MIPOL1: variants seen among roughly 807,000 people sequenced by gnomAD.
MIPOL1 encodes the protein mirror-image polydactyly 1, also known as mirror-image polydactyly gene 1 protein.
Under a neutral mutation model 60.9 loss-of-function variants are expected in MIPOL1, and 57 were observed. The ratio of observed to expected loss-of-function variants is 0.94; its 90% CI spans 0.76 to 1.17. MIPOL1 has a LOEUF of 1.17. Ranked by LOEUF, MIPOL1 falls within the 50% of genes most tolerant of loss-of-function variation. The pLI, the probability that MIPOL1 is intolerant of heterozygous loss-of-function variation, is 0.00. For missense variants in MIPOL1, 551 were observed against 511.6 expected (o/e 1.08, Z -0.74); for synonymous variants, 179 against 168.8 (o/e 1.06, Z -0.47).
At chr14:37,523,640 T>C (rs891287797) in intron 12 of MIPOL1, 2 of 363,600 alleles carry the variant, frequency 5.5e-6, no homozygotes. Flanking sequence ...CATGTCCTAA[T>C]TCAACAGATT....
intron 11 of MIPOL1, among the ~76,000 whole-genome samples, chr14:37,491,955 C>T (rs997775769): frequency 1.3e-5 from 2 of 152,136 alleles, no homozygotes; most frequent in Admixed American, 1.3e-4. Context: ...GCCTATTATA[C>T]TGGAGCATAT....
At chr14:37,304,022 T>C (rs1436722511) in intron 7 of MIPOL1, among the ~76,000 whole-genome samples, 1 of 151,834 alleles carries the variant, frequency 6.6e-6, no homozygotes, top group East Asian at 1.9e-4. Flanking sequence ...CTGCTGAATC[T>C]ATAGGTTCTG....
rs398024815 is a variant in MIPOL1, at chr14:37,521,920, T to TTTTC, written c.1262+21782_1262+21783insTTTC. Among the ~76,000 whole-genome samples, 431 of 142,514 alleles carry TTTTC rather than the reference T, an allele frequency of 3.0e-3. 4 individuals are homozygous for TTTTC. Among genetic ancestry groups the TTTTC allele is most frequent in the African/African-American group, 0.011 (418 of 39,434 alleles). 93.5% of individuals were successfully genotyped at this position (142,514 alleles called of 152,430 possible). A position where few individuals can be genotyped will look rare whatever the true frequency, so the allele number is the denominator to read the frequency against. On this transcript the variant is annotated intron_variant, in intron 12 of 12. Transcript: ENST00000684589. The stretch of plus-strand genomic sequence containing the variant: ...TATATATATATATATATTTTTTTTT[T>TTTTC]CTTTGGCTTCAAAAATAAAACAGAG...
intron 10 of MIPOL1, among the ~76,000 whole-genome samples, chr14:37,394,991 A>G (rs910606620): frequency 1.3e-5 from 2 of 152,184 alleles, no homozygotes; most frequent in Non-Finnish European, 2.9e-5. Flanking sequence ...GTGCCTAGCC[A>G]ATTATCCCAG....
At chr14:37,294,153 A>G (rs922040232) in intron 7 of MIPOL1, among the ~76,000 whole-genome samples, 9 of 152,276 alleles carry the variant, frequency 5.9e-5, no homozygotes, top group African/African-American at 1.9e-4. Context: ...CGGTTCACCA[A>G]TATCTGCTGT....
chr14:37,293,339 G>C (rs1220502146), intron 7 of MIPOL1, among the ~76,000 whole-genome samples: 1 of 152,058 alleles, frequency 6.6e-6, no homozygotes, highest in Non-Finnish European at 1.5e-5. Flanking sequence ...GGAGCCAAGA[G>C]GGCTGAATAG....
intron 11 of MIPOL1, among the ~76,000 whole-genome samples, chr14:37,492,683 G>C (rs2095062272): frequency 6.6e-6 from 1 of 152,032 alleles, no homozygotes; most frequent in Non-Finnish European, 1.5e-5. Context: ...GTCACTCAGA[G>C]TGAATGACAA....
chr14:37,531,367 TTC>T (rs1162523026), intron 12 of MIPOL1, among the ~76,000 whole-genome samples: 1 of 152,070 alleles, frequency 6.6e-6, no homozygotes, highest in Non-Finnish European at 1.5e-5. Context: ...CAAGTTCAAT[TTC>T]CTTGAAGCCT....
At chr14:37,469,056 A>G (rs528709854) in intron 11 of MIPOL1, among the ~76,000 whole-genome samples, 2 of 152,368 alleles carry the variant, frequency 1.3e-5, no homozygotes, top group South Asian at 2.1e-4. Flanking sequence ...TGATATATTC[A>G]TATTTGTGCT....
chr14:37,272,909 A>T (rs1054765076), intron 6 of MIPOL1, among the ~76,000 whole-genome samples: 14 of 151,514 alleles, frequency 9.2e-5, no homozygotes, highest in Non-Finnish European at 1.9e-4. Context: ...CAAATAGGAG[A>T]CAATCTGTCT....
intron 11 of MIPOL1, among the ~76,000 whole-genome samples, chr14:37,458,540 A>C (rs2094502467): frequency 6.6e-6 from 1 of 152,168 alleles, no homozygotes; most frequent in South Asian, 2.1e-4. Context: ...ATGTAAATAC[A>C]CTGAAGCCAG....
At chr14:37,244,042 A>G (rs1972765127) in intron 1 of MIPOL1, among the ~76,000 whole-genome samples, 1 of 149,678 alleles carries the variant, frequency 6.7e-6, no homozygotes, top group Admixed American at 6.7e-5. Context: ...AGAGAGAGAG[A>G]AGGGTGTGCA....
chr14:37,373,792 G>T (rs1404933352), intron 10 of MIPOL1, among the ~76,000 whole-genome samples: 1 of 152,102 alleles, frequency 6.6e-6, no homozygotes, highest in Non-Finnish European at 1.5e-5. Flanking sequence ...TCATTGATGG[G>T]CATTTGGGTT....
At chr14:37,266,022 T>A (rs995820765) in intron 3 of MIPOL1, among the ~76,000 whole-genome samples, 2 of 152,148 alleles carry the variant, frequency 1.3e-5, no homozygotes, top group African/African-American at 4.8e-5. Flanking sequence ...GTCTGGAGTG[T>A]GTCAGAAATT....
chr14:37,299,967 T>G (rs2086224964), intron 7 of MIPOL1, among the ~76,000 whole-genome samples: 1 of 152,074 alleles, frequency 6.6e-6, no homozygotes, highest in African/African-American at 2.4e-5. Flanking sequence ...ACAGAATGTT[T>G]CTCAATTTGG....
At chr14:37,207,522 T>C (rs1966276675) in intron 1 of MIPOL1, among the ~76,000 whole-genome samples, 1 of 144,762 alleles carries the variant, frequency 6.9e-6, no homozygotes, top group Non-Finnish European at 1.5e-5. Flanking sequence ...TTTAAACTTA[T>C]TTGAGGATAT....
At chr14:37,421,289 G>A (rs968228537) in intron 10 of MIPOL1, among the ~76,000 whole-genome samples, 4 of 152,062 alleles carry the variant, frequency 2.6e-5, no homozygotes, top group East Asian at 3.9e-4. Context: ...TTCAGCATTT[G>A]TACATACGTA....
rs1946805090 is a variant in MIPOL1, at chr14:37,551,052, A to G, written c.*4081A>G. 1 of 152,130 alleles carries G rather than the reference A, an allele frequency of 6.6e-6. No individual in the cohort carries two copies. Among genetic ancestry groups the G allele is most frequent in the Non-Finnish European group, 1.5e-5 (1 of 67,988 alleles). The allele number at this position is 152,130 out of a possible 1,614,324, so 9.4% of individuals were successfully genotyped here. A position where few individuals can be genotyped will look rare whatever the true frequency, so the allele number is the denominator to read the frequency against. ...TTTTGAGAATCATTAAAATGTATAC[A>G]ATGATATTCCTTTGCAGAAGTCTTA... On this transcript the variant is annotated 3_prime_UTR_variant, in exon 13 of 13. Transcript: ENST00000684589.
intron 9 of MIPOL1, among the ~76,000 whole-genome samples, chr14:37,353,840 A>ATC (rs1235236973): frequency 6.6e-6 from 1 of 151,700 alleles, no homozygotes; most frequent in African/African-American, 2.4e-5. Context: ...AATTTTGTTG[A>ATC]TCCTTTCAAA....
Sources: gnomAD v4.1 joint callset for allele counts (sites outside exome capture counted in the v4.1 genomes callset) on GRCh38, gnomAD v4.1.1 for gene constraint, MANE v1.5 for transcripts, NCBI Gene and HGNC (gene_info 2026-07-23, HGNC 2026-07-21) for gene names.